Variants in GPHN observed in about 807,000 individuals in gnomAD.
GPHN encodes gephyrin.
Under a neutral mutation model 95.5 loss-of-function variants are expected in GPHN, and 17 were observed. The ratio of observed to expected loss-of-function variants is 0.18; its 90% CI spans 0.12 to 0.27. The LOEUF (loss-of-function observed/expected upper bound fraction) is 0.27. Among genes scored for constraint, GPHN ranks in the 10% least tolerant of loss-of-function variants. GPHN has a pLI of 1.00. For synonymous variants in GPHN, 320 were observed against 322.5 expected, an observed-to-expected ratio of 0.99 and a Z score of 0.08; for missense variants, 660 against 978.1, an observed-to-expected ratio of 0.67 and a Z score of 4.34.
At chr14:66,713,211 G>T (rs1465628349) in intron 2 of GPHN, among the ~76,000 whole-genome samples, 5 of 152,066 alleles carry the variant, frequency 3.3e-5, no homozygotes, top group Admixed American at 1.3e-4. Flanking sequence ...TGAAATCCTT[G>T]CCTAAGCCAA....
chr14:66,707,067 C>T, intron 2 of GPHN, among the ~76,000 whole-genome samples: 1 of 130,724 alleles, frequency 7.6e-6, no homozygotes, highest in Non-Finnish European at 1.6e-5. Context: ...AAAAAAAAAA[C>T]AACATCACTG....
chr14:66,543,488 C>A (rs1008448021), intron 1 of GPHN, among the ~76,000 whole-genome samples: 1 of 152,100 alleles, frequency 6.6e-6, no homozygotes, highest in Non-Finnish European at 1.5e-5. Flanking sequence ...GTGCTTACAA[C>A]TCCTAAATTT....
In GPHN at chr14:66,657,480, C is replaced by T. The variant is rs1004071020; in HGVS notation, c.65-23627C>T. Reference sequence around the variant, plus strand: ...ATAGCCTTCTGCTGTAAGAAGATGCCATCTAAGACTTTCATAGCTAGAGAT... The same window carrying T: ...ATAGCCTTCTGCTGTAAGAAGATGCTATCTAAGACTTTCATAGCTAGAGAT... On this transcript the variant is annotated intron_variant, in intron 1 of 22. Transcript: ENST00000478722. Among the ~76,000 whole-genome samples the T allele has an allele frequency of 3.3e-5, 5 of 152,130 alleles. 1 individual carries two copies. The highest frequency in any genetic ancestry group is 9.7e-5 in the African/African-American group (4 of 41,428).
chr14:66,619,140 C>G (rs2063176315), intron 1 of GPHN, among the ~76,000 whole-genome samples: 1 of 152,092 alleles, frequency 6.6e-6, no homozygotes, highest in Non-Finnish European at 1.5e-5. Context: ...TTCACTTGAT[C>G]ATAGACATTT....
the GPHN span, among the ~76,000 whole-genome samples, chr14:67,567,625 C>T: frequency 6.6e-6 from 1 of 152,118 alleles, no homozygotes; most frequent in Non-Finnish European, 1.5e-5. Flanking sequence ...GCCGCCCCTC[C>T]AGTGATCTCA....
chr14:66,611,791 TC>T (rs1357762416), intron 1 of GPHN, among the ~76,000 whole-genome samples: 1 of 152,170 alleles, frequency 6.6e-6, no homozygotes, highest in Non-Finnish European at 1.5e-5. Context: ...GGCTTTCCAT[TC>T]TCCCTATCAT....
chr14:67,409,614 C>G, the GPHN span, among the ~76,000 whole-genome samples: 2 of 152,140 alleles, frequency 1.3e-5, no homozygotes, highest in African/African-American at 4.8e-5. Flanking sequence ...CCCCTGACAG[C>G]CAGGCCCAGT....
chr14:66,837,199 G>A (rs1320364507), intron 4 of GPHN, among the ~76,000 whole-genome samples: 3 of 151,448 alleles, frequency 2.0e-5, no homozygotes, highest in African/African-American at 7.3e-5. Flanking sequence ...CAACCCAAAT[G>A]TCCAACAATG....
the GPHN span, among the ~76,000 whole-genome samples, chr14:67,497,787 C>T: frequency 6.6e-6 from 1 of 151,592 alleles, no homozygotes; most frequent in Non-Finnish European, 1.5e-5. Flanking sequence ...CAGCACCTCT[C>T]CTGGTATTTG....
At chr14:67,278,222 T>C in the GPHN span, among the ~76,000 whole-genome samples, 10 of 152,096 alleles carry the variant, frequency 6.6e-5, no homozygotes, top group African/African-American at 9.7e-5. Context: ...TTTTTCTTAG[T>C]AGAGACGGGG....
At chr14:66,853,755 T>A (rs961988311) in intron 4 of GPHN, among the ~76,000 whole-genome samples, 6 of 152,152 alleles carry the variant, frequency 3.9e-5, no homozygotes, top group Non-Finnish European at 7.4e-5. Flanking sequence ...ATGGCAAAAA[T>A]TTAAAGAATC....
the GPHN span, chr14:67,722,623 C>T: frequency 2.5e-6 from 4 of 1,611,250 alleles, no homozygotes; most frequent in Admixed American, 3.3e-5. Context: ...AAAGCAACAG[C>T]AGCTACAGAA....
intron 10 of GPHN, among the ~76,000 whole-genome samples, chr14:67,031,445 T>G (rs975028414): frequency 6.6e-6 from 1 of 152,206 alleles, no homozygotes; most frequent in Non-Finnish European, 1.5e-5. Context: ...TACCTTTCTT[T>G]ATATAACTAA....
the GPHN span, among the ~76,000 whole-genome samples, chr14:67,487,865 C>A: frequency 6.6e-6 from 1 of 152,042 alleles, no homozygotes; most frequent in African/African-American, 2.4e-5. Flanking sequence ...CTTGGCCAAC[C>A]CTCCCACCTC....
chr14:67,729,355 G>A, the GPHN span: 1 of 1,598,112 alleles, frequency 6.3e-7, no homozygotes. Context: ...TGAGGGCCTG[G>A]AGCCCCTGAG....
At chr14:67,727,490 T>G in the GPHN span, 21,849 of 352,624 alleles carry the variant, frequency 0.062, 1,033 homozygotes, top group Non-Finnish European at 0.078. Flanking sequence ...TTTTTGTTTT[T>G]TTTTTTTTGA....
In GPHN at chr14:67,138,914, TTTA is replaced by T. The variant is rs1284628744; in HGVS notation, c.1749-4447_1749-4445del. Among the ~76,000 whole-genome samples, 939 of 137,500 alleles carry T rather than the reference TTTA, an allele frequency of 6.8e-3. 7 individuals carry two copies. Among genetic ancestry groups the T allele is most frequent in the African/African-American group, 0.022 (832 of 37,928 alleles). The allele number at this position is 137,500 out of a possible 152,430, so 90.2% of individuals were successfully genotyped here. ...TTTTTTTTTTTTTTTTTTTTTTTTT[TTTA>T]AATTATTAAGAGACTAGGTCTAGGG... On this transcript the variant is annotated intron_variant, in intron 17 of 22. Coordinates refer to ENST00000478722, the MANE Select transcript of GPHN (RefSeq NM_020806.5).
chr14:67,244,278 A>C, the GPHN span, among the ~76,000 whole-genome samples: 309 of 152,324 alleles, frequency 2.0e-3, no homozygotes, highest in African/African-American at 7.0e-3. Flanking sequence ...TATAAGTGGA[A>C]TTGCTGATAA....
chr14:66,531,389 C>G (rs2058933380), intron 1 of GPHN, among the ~76,000 whole-genome samples: 1 of 152,096 alleles, frequency 6.6e-6, no homozygotes, highest in South Asian at 2.1e-4. Context: ...GAGCCAAGAT[C>G]ACACCATTGC....
Sources: gnomAD v4.1 joint callset for allele counts (sites outside exome capture counted in the v4.1 genomes callset) on GRCh38, gnomAD v4.1.1 for gene constraint, MANE v1.5 for transcripts, NCBI Gene and HGNC (gene_info 2026-07-23, HGNC 2026-07-21) for gene names.